AIG1: variants seen among roughly 807,000 people sequenced by gnomAD.
AIG1 encodes androgen induced 1.
A neutral mutation model predicts 31.4 loss-of-function variants in AIG1; 23 were observed. The ratio of observed to expected loss-of-function variants is 0.73; its 90% CI spans 0.53 to 1.04. The LOEUF (loss-of-function observed/expected upper bound fraction) is 1.04, where lower values mean the gene tolerates loss of function less well. Among genes scored for constraint, AIG1 ranks in the 50% least tolerant of loss-of-function variants. AIG1 has a pLI of 0.00. For synonymous variants in AIG1, 100 were observed against 110.5 expected (o/e 0.90, Z 0.60); for missense variants, 274 against 295.0 (o/e 0.93, Z 0.52).
chr6:143,163,787 G>T (rs1156589804), intron 2 of AIG1, among the ~76,000 whole-genome samples: 2 of 152,042 alleles, frequency 1.3e-5, no homozygotes, highest in Non-Finnish European at 2.9e-5. Context: ...TCTTTTCCTT[G>T]GCTTTGCTTA....
At chr6:143,196,848 A>G (rs1790281887) in intron 3 of AIG1, among the ~76,000 whole-genome samples, 2 of 152,222 alleles carry the variant, frequency 1.3e-5, no homozygotes, top group African/African-American at 2.4e-5. Flanking sequence ...AAAAAAGAAA[A>G]AAAAACTCTT....
chr6:143,332,805 A>T (rs943791613), intron 4 of AIG1, among the ~76,000 whole-genome samples: 1 of 152,248 alleles, frequency 6.6e-6, no homozygotes, highest in Non-Finnish European at 1.5e-5. Flanking sequence ...AGCCATTTCA[A>T]ATACCCTTCA....
Position 143,297,574 on chromosome 6 carries a change from T to C in AIG1, c.515+13349T>C, listed in dbSNP as rs906218243. On this transcript the variant is annotated intron_variant, in intron 4 of 5. Coordinates refer to ENST00000357847, the MANE Select transcript of AIG1 (RefSeq NM_016108.4). The surrounding 1 kb of genome is among the most constrained non-coding windows in gnomAD (Gnocchi z 5.1). Reference sequence around the variant, plus strand: ...GGTGATTGGATGGTTGGGTGGTTGGTTGGGTGGGTGGTTGCTTAGTTGGGT... The same window carrying C: ...GGTGATTGGATGGTTGGGTGGTTGGCTGGGTGGGTGGTTGCTTAGTTGGGT... Among the ~76,000 whole-genome samples, 2 of 151,920 alleles carry C rather than the reference T, an allele frequency of 1.3e-5. No homozygotes were observed. Among genetic ancestry groups the C allele is most frequent in the Non-Finnish European group, 2.9e-5 (2 of 67,966 alleles).
intron 1 of AIG1, among the ~76,000 whole-genome samples, chr6:143,111,653 C>T (rs532630906): frequency 2.4e-4 from 36 of 152,300 alleles, no homozygotes; most frequent in African/African-American, 7.9e-4. Flanking sequence ...ACCTGTTGGA[C>T]CTCTCCATTT....
At chr6:143,301,480 A>G (rs1446997176) in intron 4 of AIG1, among the ~76,000 whole-genome samples, 1 of 152,198 alleles carries the variant, frequency 6.6e-6, no homozygotes, top group Non-Finnish European at 1.5e-5. Context: ...ATGAAGATAT[A>G]TTCAAGATGG....
chr6:143,327,321 C>A lies in AIG1; in HGVS notation c.516-5961C>A. Reference sequence around the variant, plus strand: ...GGCAAGACAAAAAGGGCCACTCTGCCATCAACAAGGTGGTGACCTCGTTGA... The same window carrying A: ...GGCAAGACAAAAAGGGCCACTCTGCAATCAACAAGGTGGTGACCTCGTTGA... On this transcript the variant is annotated intron_variant, in intron 4 of 5. Transcript: ENST00000357847. The surrounding 1 kb of genome is among the most constrained non-coding windows in gnomAD (Gnocchi z 5.3). 1 of 226,894 alleles carries A rather than the reference C, an allele frequency of 4.4e-6. No homozygotes were observed. The highest frequency in any genetic ancestry group is 6.9e-5 in the South Asian group (1 of 14,502). The allele number at this position is 226,894 out of a possible 1,614,324, so 14.1% of individuals were successfully genotyped here. A position where few individuals can be genotyped will look rare whatever the true frequency, so the allele number is the denominator to read the frequency against.
At position 143,338,251 on chromosome 6, in the gene AIG1, A is replaced by C. The variant is rs778329859; in HGVS notation, c.680-1388A>C. On this transcript the variant is annotated intron_variant, in intron 5 of 5. Transcript: ENST00000357847. This position sits in a 1 kb window ranked among gnomAD's most constrained non-coding sequence, Gnocchi z 4.3. ...GTGCTGTTTTCTTCTTTCCGTGGTT[A>C]CCCAACAACGAAGGCGTGTTGTACC... is the stretch of plus-strand genomic sequence containing the variant. 49 of 380,392 alleles carry C rather than the reference A, an allele frequency of 1.3e-4. 2 individuals are homozygous for C. Among genetic ancestry groups the C allele is most frequent in the Non-Finnish European group, 2.2e-4 (47 of 215,154 alleles). 23.6% of individuals were successfully genotyped at this position (380,392 alleles called of 1,614,324 possible).
Position 143,330,496 on chromosome 6 carries a change from G to A in AIG1, c.516-2786G>A, listed in dbSNP as rs1293483651. ...GCTTAGAGTGTTCGAGGAACACCAA[G>A]GAGTTGATGGGCTGGAGTGGCGGGG... On this transcript the variant is annotated intron_variant, in intron 4 of 5. Transcript: ENST00000357847. The surrounding 1 kb of genome is among the most constrained non-coding windows in gnomAD (Gnocchi z 4.4). Among the ~76,000 whole-genome samples the A allele has an allele frequency of 6.6e-6, 1 of 152,162 alleles. No individual in the cohort carries two copies. Among genetic ancestry groups the A allele is most frequent in the African/African-American group, 2.4e-5 (1 of 41,438 alleles).
chr6:143,120,279 T>G (rs1273113126), intron 1 of AIG1, among the ~76,000 whole-genome samples: 2 of 152,166 alleles, frequency 1.3e-5, no homozygotes, highest in African/African-American at 4.8e-5. Flanking sequence ...TTGTGGGTAT[T>G]ACATATAAAC....
chr6:143,222,836 A>G (rs528577542), intron 3 of AIG1, among the ~76,000 whole-genome samples: 1 of 152,342 alleles, frequency 6.6e-6, no homozygotes, highest in East Asian at 1.9e-4. Context: ...ACAAATCACA[A>G]TCTGGAAAAA....
At position 143,297,742 on chromosome 6, in the gene AIG1, A is replaced by C. The variant is rs1006946402; in HGVS notation, c.515+13517A>C. On this transcript the variant is annotated intron_variant, in intron 4 of 5. Coordinates refer to ENST00000357847, the MANE Select transcript of AIG1 (RefSeq NM_016108.4). This position sits in a 1 kb window ranked among gnomAD's most constrained non-coding sequence, Gnocchi z 5.1. ...ATACACTGCCTCTCCTCCAATTTTCATGTCTCAGCCAGATAGTTTTTTTAA... is the reference window on the plus strand; with the variant it reads ...ATACACTGCCTCTCCTCCAATTTTCCTGTCTCAGCCAGATAGTTTTTTTAA... 2.0e-5 allele frequency among the ~76,000 whole-genome samples: 3 copies of C among 152,076 alleles called. No homozygotes were observed. Among genetic ancestry groups the C allele is most frequent in the Non-Finnish European group, 2.9e-5 (2 of 67,998 alleles).
At chr6:143,079,996 C>T (rs1048239010) in intron 1 of AIG1, among the ~76,000 whole-genome samples, 4 of 151,984 alleles carry the variant, frequency 2.6e-5, no homozygotes, top group African/African-American at 9.7e-5. Context: ...TTAGTGAGCC[C>T]TCTTTATACC....
Position 143,339,775 on chromosome 6 carries a change from G to A in AIG1, c.*99G>A. ...GGAGAAAAGGCTTCAAAGGAACTTG[G>A]TGGCATCAGCACCCCCCTCCCCCAA... On this transcript the variant is annotated 3_prime_UTR_variant, in exon 6 of 6. Coordinates refer to ENST00000357847, the MANE Select transcript of AIG1 (RefSeq NM_016108.4). 1 of 1,294,992 alleles carries A rather than the reference G, an allele frequency of 7.7e-7. No individual in the cohort carries two copies. The highest frequency in any genetic ancestry group is 1.1e-6 in the Non-Finnish European group (1 of 919,026). The allele number at this position is 1,294,992 out of a possible 1,614,324, so 80.2% of individuals were successfully genotyped here.
At chr6:143,114,567 A>G (rs1018608353) in intron 1 of AIG1, among the ~76,000 whole-genome samples, 2 of 152,258 alleles carry the variant, frequency 1.3e-5, no homozygotes, top group Admixed American at 1.3e-4. Context: ...AGGATTAGAC[A>G]TAGTGCATTA....
chr6:143,273,325 G>T (rs1288905316), intron 3 of AIG1, among the ~76,000 whole-genome samples: 5 of 152,168 alleles, frequency 3.3e-5, no homozygotes, highest in African/African-American at 1.2e-4. Context: ...TTAAATTTCA[G>T]AGTGCTGTGA....
chr6:143,302,708 A>T (rs149791859), intron 4 of AIG1, among the ~76,000 whole-genome samples: 18 of 152,332 alleles, frequency 1.2e-4, no homozygotes, highest in Non-Finnish European at 2.4e-4. Flanking sequence ...TCTTTATAGC[A>T]GCATGATTTG....
chr6:143,289,606 A>C (rs187476738), intron 4 of AIG1, among the ~76,000 whole-genome samples: 23 of 152,284 alleles, frequency 1.5e-4, no homozygotes, highest in Admixed American at 1.5e-3. Flanking sequence ...TCATGTCAAA[A>C]TTCTATCTCC....
chr6:143,328,754 A>T lies in AIG1; in HGVS notation c.516-4528A>T, dbSNP rs1776821151. 6.6e-6 allele frequency among the ~76,000 whole-genome samples: 1 copy of T among 152,222 alleles called. No individual in the cohort carries two copies. The highest frequency in any genetic ancestry group is 1.5e-5 in the Non-Finnish European group (1 of 68,044). On this transcript the variant is annotated intron_variant, in intron 4 of 5. Transcript: ENST00000357847. This position sits in a 1 kb window ranked among gnomAD's most constrained non-coding sequence, Gnocchi z 4.0. ...AATGTTATTTTTTTAATTGTACATA[A>T]ACGTGAATGCAAACGGAGGTACATT...
chr6:143,331,164 ACC>A lies in AIG1; in HGVS notation c.516-2117_516-2116del, dbSNP rs1777042583. Among the ~76,000 whole-genome samples the A allele has an allele frequency of 1.3e-5, 2 of 151,284 alleles. No homozygotes were observed. Among genetic ancestry groups the A allele is most frequent in the Non-Finnish European group, 2.9e-5 (2 of 67,834 alleles). ...ACCTGTTTTTTTTTTCCTAATTTCC[ACC>A]ACAGGAACATTTTTTATTGTGCTAA... On this transcript the variant is annotated intron_variant, in intron 4 of 5. Transcript: ENST00000357847. This position sits in a 1 kb window ranked among gnomAD's most constrained non-coding sequence, Gnocchi z 4.1.
Sources: gnomAD v4.1 joint callset for allele counts (sites outside exome capture counted in the v4.1 genomes callset) on GRCh38, gnomAD v4.1.1 for gene constraint, Gnocchi (gnomAD v3.1) non-coding constraint, MANE v1.5 for transcripts, NCBI Gene and HGNC (gene_info 2026-07-23, HGNC 2026-07-21) for gene names.